The following TASP1 variants were observed in gnomAD, a reference collection of about 807,000 sequenced individuals.
The protein encoded by TASP1 is threonine aspartase 1.
A neutral mutation model predicts 56.6 loss-of-function variants in TASP1; 16 were observed. The observed-to-expected ratio is 0.28, with a 90% CI of 0.19 to 0.43. The LOEUF (loss-of-function observed/expected upper bound fraction) is 0.43. Among genes scored for constraint, TASP1 ranks in the 20% least tolerant of loss-of-function variants. The pLI is 1.00. For synonymous variants in TASP1, 179 were observed against 184.2 expected, an observed-to-expected ratio of 0.97 and a Z score of 0.23; for missense variants, 393 against 511.6, an observed-to-expected ratio of 0.77 and a Z score of 2.24.
chr20:13,416,227 G>A (rs960959032), intron 13 of TASP1, among the ~76,000 whole-genome samples: 2 of 152,168 alleles, frequency 1.3e-5, no homozygotes, highest in African/African-American at 4.8e-5. Flanking sequence ...CTATTAGACA[G>A]TGCTGTTCTA....
intron 12 of TASP1, among the ~76,000 whole-genome samples, chr20:13,418,180 G>A (rs1315733078): frequency 1.3e-5 from 2 of 152,188 alleles, no homozygotes; most frequent in African/African-American, 4.8e-5. Flanking sequence ...CCAAAGTGCT[G>A]AGATTACAGG....
the TASP1 span, among the ~76,000 whole-genome samples, chr20:13,169,519 T>C: frequency 6.6e-6 from 1 of 152,122 alleles, no homozygotes; most frequent in African/African-American, 2.4e-5. Context: ...ACTGAGATGG[T>C]CCTTTAGGGT....
At chr20:13,327,946 A>C in the TASP1 span, among the ~76,000 whole-genome samples, 1 of 152,206 alleles carries the variant, frequency 6.6e-6, no homozygotes, top group East Asian at 1.9e-4. Context: ...AAAAGCAAAA[A>C]TTGACAAACA....
intron 7 of TASP1, among the ~76,000 whole-genome samples, chr20:13,561,052 T>C (rs1195289932): frequency 6.6e-6 from 1 of 152,184 alleles, no homozygotes; most frequent in Non-Finnish European, 1.5e-5. Flanking sequence ...AGTGGGTTGA[T>C]ATATTCAAAG....
chr20:13,445,457 C>A (rs1280508845), intron 11 of TASP1, among the ~76,000 whole-genome samples: 1 of 152,088 alleles, frequency 6.6e-6, no homozygotes, highest in African/African-American at 2.4e-5. Context: ...TATTCCATCC[C>A]AGCATTCTAT....
the TASP1 span, among the ~76,000 whole-genome samples, chr20:13,121,015 T>C: frequency 6.6e-6 from 1 of 152,238 alleles, no homozygotes; most frequent in Non-Finnish European, 1.5e-5. Flanking sequence ...CATGAATGGC[T>C]TCTTTGAAGG....
chr20:13,220,748 ACTC>A, the TASP1 span, among the ~76,000 whole-genome samples: 1 of 151,764 alleles, frequency 6.6e-6, no homozygotes, highest in African/African-American at 2.4e-5. Context: ...ACACTTTGGC[ACTC>A]CTCCTCTCCC....
At chr20:13,422,876 G>A (rs2042493508) in intron 12 of TASP1, among the ~76,000 whole-genome samples, 1 of 152,202 alleles carries the variant, frequency 6.6e-6, no homozygotes, top group African/African-American at 2.4e-5. Context: ...AAGTGACTAT[G>A]AGAGTGCTGA....
At chr20:13,437,807 G>A (rs1265820274) in intron 11 of TASP1, among the ~76,000 whole-genome samples, 1 of 152,176 alleles carries the variant, frequency 6.6e-6, no homozygotes, top group African/African-American at 2.4e-5. Flanking sequence ...TACAAGGGAC[G>A]TGAAGGACCT....
the TASP1 span, among the ~76,000 whole-genome samples, chr20:13,232,294 T>C: frequency 6.6e-6 from 1 of 152,228 alleles, no homozygotes; most frequent in Non-Finnish European, 1.5e-5. Context: ...AAAAGTTTCC[T>C]TGTGCTCCTC....
chr20:13,137,095 A>G, the TASP1 span, among the ~76,000 whole-genome samples: 1 of 149,934 alleles, frequency 6.7e-6, no homozygotes, highest in Non-Finnish European at 1.5e-5. Context: ...TTGTGCTGGT[A>G]CAAGAAGTTC....
intron 4 of TASP1, among the ~76,000 whole-genome samples, chr20:13,621,207 T>C (rs965654046): frequency 6.6e-6 from 1 of 151,570 alleles, no homozygotes; most frequent in African/African-American, 2.4e-5. Context: ...GTGGATCACC[T>C]GAGCTCAAGA....
chr20:13,304,961 G>A, the TASP1 span, among the ~76,000 whole-genome samples: 1 of 152,034 alleles, frequency 6.6e-6, no homozygotes, highest in South Asian at 2.1e-4. Flanking sequence ...GTGCTTCCAG[G>A]GGACCCCAAA....
At chr20:13,273,840 G>A in the TASP1 span, among the ~76,000 whole-genome samples, 1 of 151,716 alleles carries the variant, frequency 6.6e-6, no homozygotes, top group Non-Finnish European at 1.5e-5. Flanking sequence ...AATCCCTATC[G>A]GTTAATTTTC....
the TASP1 span, among the ~76,000 whole-genome samples, chr20:13,375,754 T>C: frequency 2.0e-4 from 31 of 152,230 alleles, no homozygotes; most frequent in Non-Finnish European, 4.1e-4. Context: ...TGTTGTTTCC[T>C]GACTTCTTAA....
chr20:13,190,333 A>G, the TASP1 span, among the ~76,000 whole-genome samples: 9 of 152,176 alleles, frequency 5.9e-5, no homozygotes, highest in Non-Finnish European at 1.0e-4. Flanking sequence ...TTCAAAATAT[A>G]CTGTAAAGCT....
chr20:13,423,234 A>G (rs2042507525), intron 12 of TASP1, among the ~76,000 whole-genome samples: 1 of 152,186 alleles, frequency 6.6e-6, no homozygotes, highest in Non-Finnish European at 1.5e-5. Context: ...CTGTTTTTCA[A>G]ACTTTTTGAT....
the TASP1 span, among the ~76,000 whole-genome samples, chr20:13,333,199 G>A: frequency 6.6e-6 from 1 of 152,184 alleles, no homozygotes; most frequent in Non-Finnish European, 1.5e-5. Context: ...CATGTACGTG[G>A]AGAAAGTAAC....
At chr20:13,275,884 T>A in the TASP1 span, among the ~76,000 whole-genome samples, 56 of 152,202 alleles carry the variant, frequency 3.7e-4, no homozygotes, top group Non-Finnish European at 4.4e-5. Flanking sequence ...GGACCTTGAA[T>A]TCTCCAAGCC....
Sources: allele counts gnomAD v4.1 joint callset (sites outside exome capture counted in the v4.1 genomes callset), GRCh38; gene constraint gnomAD v4.1.1; transcripts MANE v1.5; gene names NCBI Gene and HGNC (gene_info 2026-07-23, HGNC 2026-07-21).